FAAH2: variants seen among roughly 807,000 people sequenced by gnomAD.
The protein encoded by FAAH2 is fatty-acid amide hydrolase 2.
In FAAH2, 60 loss-of-function variants were observed where a neutral mutation model predicts 36.9. That is an observed-to-expected ratio of 1.63 (90% confidence interval 1.32 to 2.02). FAAH2 has a LOEUF of 2.02. Ranked by LOEUF, FAAH2 falls within the 30% of genes most tolerant of loss-of-function variation. FAAH2 has a pLI of 0.00. For synonymous variants in FAAH2, 214 were observed against 143.8 expected (o/e 1.49, Z -3.49); for missense variants, 689 against 397.5 (o/e 1.73, Z -6.23).
the FAAH2 span, chrX:57,229,548 G>C: frequency 2.7e-5 from 3 of 111,653 alleles, no homozygotes; most frequent in African/African-American, 9.8e-5. Context: ...CTGATGGAAA[G>C]GGTAGCAATG....
At chrX:57,281,680 A>G in the FAAH2 span, among the ~76,000 whole-genome samples, 33 of 111,849 alleles carry the variant, frequency 3.0e-4, no homozygotes, top group African/African-American at 1.0e-3. Flanking sequence ...TAATTTGCAT[A>G]GTACCAGTCA....
At chrX:57,334,490 C>A (rs999599931) in intron 4 of FAAH2, among the ~76,000 whole-genome samples, 1 of 107,165 alleles carries the variant, frequency 9.3e-6, no homozygotes, top group Non-Finnish European at 1.9e-5. Context: ...AAAAAGAATA[C>A]AAACCAAAAA....
chrX:57,355,375 A>T (rs1452642847), intron 5 of FAAH2, among the ~76,000 whole-genome samples: 5 of 111,139 alleles, frequency 4.5e-5, no homozygotes, highest in Non-Finnish European at 9.5e-5. Flanking sequence ...TTATATTAAC[A>T]ATTAGGTGTC....
chrX:57,315,868 C>T (rs1448018282), intron 3 of FAAH2, among the ~76,000 whole-genome samples: 1 of 110,858 alleles, frequency 9.0e-6, no homozygotes. Context: ...AGTGCCCACT[C>T]TCACTACTCC....
At chrX:57,421,479 A>G (rs777166072) in intron 7 of FAAH2, among the ~76,000 whole-genome samples, 2 of 111,588 alleles carry the variant, frequency 1.8e-5, no homozygotes, top group African/African-American at 3.3e-5. Context: ...GGAATCTGAT[A>G]TCACGGTGCC....
chrX:57,225,124 T>C, the FAAH2 span, among the ~76,000 whole-genome samples: 1 of 112,023 alleles, frequency 8.9e-6, no homozygotes, highest in South Asian at 3.7e-4. Flanking sequence ...CGTAAAATTT[T>C]TTTTTTCAAT....
chrX:57,178,439 G>A, the FAAH2 span, among the ~76,000 whole-genome samples: 2 of 111,706 alleles, frequency 1.8e-5, no homozygotes, highest in Admixed American at 9.5e-5. Context: ...GGTAGCAGTG[G>A]TATTTGTTCT....
the FAAH2 span, among the ~76,000 whole-genome samples, chrX:57,251,915 G>T: frequency 8.9e-6 from 1 of 111,831 alleles, no homozygotes; most frequent in Non-Finnish European, 1.9e-5. Context: ...CACCCAGGAA[G>T]TGCAAGGGGT....
At chrX:57,331,863 A>G (rs1256857064) in intron 4 of FAAH2, 56 bp downstream of exon 4, 2 of 1,068,490 alleles carry the variant, frequency 1.9e-6, no homozygotes, top group Non-Finnish European at 2.6e-6. Flanking sequence ...AATAATTATG[A>G]ATTGTATTAA....
At chrX:57,241,471 A>G in the FAAH2 span, among the ~76,000 whole-genome samples, 1 of 112,312 alleles carries the variant, frequency 8.9e-6, no homozygotes, top group Non-Finnish European at 1.9e-5. Context: ...CCTATTAAAA[A>G]GTGGGCAAAA....
At chrX:57,438,637 C>T (rs1265337092) in intron 8 of FAAH2, among the ~76,000 whole-genome samples, 2 of 109,148 alleles carry the variant, frequency 1.8e-5, no homozygotes, top group East Asian at 5.7e-4. Context: ...TTTTAGGGTA[C>T]ATGTGCACAA....
At chrX:57,198,640 T>C in the FAAH2 span, among the ~76,000 whole-genome samples, 1 of 112,541 alleles carries the variant, frequency 8.9e-6, no homozygotes, top group East Asian at 2.8e-4. Flanking sequence ...TCAAAAGTTA[T>C]TACAAAGTTC....
At chrX:57,232,816 A>C in the FAAH2 span, among the ~76,000 whole-genome samples, 1 of 112,340 alleles carries the variant, frequency 8.9e-6, no homozygotes, top group African/African-American at 3.2e-5. Flanking sequence ...ACATATGCTC[A>C]TGTGTCATTT....
chrX:57,377,987 G>T (rs2054731060), intron 5 of FAAH2, among the ~76,000 whole-genome samples: 1 of 111,980 alleles, frequency 8.9e-6, no homozygotes, highest in Non-Finnish European at 1.9e-5. Context: ...CATTGATTTT[G>T]TATCCTGAGA....
rs746176900 is a variant in FAAH2 at position 57,448,583 on chromosome X, G to A, written c.1288G>A (p.Ala430Thr). Residue 430 changes from alanine to threonine, a missense_variant, in exon 10 of 11, where the codon GCA (alanine) becomes ACA (threonine). Transcript: ENST00000374900. ...CAATGAGAAATACCAAAAGTTTAAG[G>A]CAGTGGAAGAAAGCCTGCGTAAAGA... Reference protein sequence around the residue: ...YSNEKYQKFKAVEESLRKELV... With the variant: ...YSNEKYQKFKTVEESLRKELV... 15 of 1,211,385 alleles carry A rather than the reference G, an allele frequency of 1.2e-5. No individual in the cohort carries two copies. In the East Asian group the frequency reaches 1.8e-4, roughly 14 times the overall value.
chrX:57,426,937 T>TAAAAAGCA (rs2056176215), intron 7 of FAAH2, among the ~76,000 whole-genome samples: 1 of 110,109 alleles, frequency 9.1e-6, no homozygotes, highest in South Asian at 3.8e-4. Context: ...TAAACAATAT[T>TAAAAAGCA]AAAAAGCAAT....
the FAAH2 span, among the ~76,000 whole-genome samples, chrX:57,234,938 T>C: frequency 7.2e-5 from 8 of 111,583 alleles, no homozygotes; most frequent in East Asian, 2.3e-3. Flanking sequence ...CTAGGGAGGC[T>C]GAGACAGGAA....
intron 2 of FAAH2, among the ~76,000 whole-genome samples, chrX:57,303,900 A>G (rs1234186450): frequency 8.9e-6 from 1 of 111,868 alleles, no homozygotes; most frequent in Non-Finnish European, 1.9e-5. Context: ...TTCTGTTCCT[A>G]TGACTCAATT....
chrX:57,375,243 A>G (rs1321161212), intron 5 of FAAH2, among the ~76,000 whole-genome samples: 1 of 108,931 alleles, frequency 9.2e-6, no homozygotes, highest in African/African-American at 3.3e-5. Flanking sequence ...TCACAGAATG[A>G]TTTAGAGAGG....
Sources: gnomAD v4.1 joint callset for allele counts (sites outside exome capture counted in the v4.1 genomes callset) on GRCh38, gnomAD v4.1.1 for gene constraint, MANE v1.5 for transcripts, NCBI Gene and HGNC (gene_info 2026-07-23, HGNC 2026-07-21) for gene names.